Variants in CBX5 observed in about 807,000 individuals in gnomAD.
The protein encoded by CBX5 is chromobox protein homolog 5.
CBX5 carries 7 observed loss-of-function variants against 20.7 expected under a neutral mutation model. The observed-to-expected ratio is 0.34, with a 90% CI of 0.19 to 0.63. The LOEUF is 0.63. Ranked by LOEUF, CBX5 falls within the 30% of genes least tolerant of loss-of-function variation. The pLI is 0.75. For synonymous variants in CBX5, 78 were observed against 77.0 expected (o/e 1.01, Z -0.07); for missense variants, 110 against 224.1 (o/e 0.49, Z 3.25).
At chr12:54,252,328 G>C in intron 2 of CBX5, 101 bp from the exon 3 acceptor site, 1 of 725,936 alleles carries the variant, frequency 1.4e-6, no homozygotes. Flanking sequence ...GGACAAAAAG[G>C]ACAGAGAAAC....
At position 54,237,577 on chromosome 12, in the gene CBX5, C is replaced by T. The variant is rs1943636043; in HGVS notation, c.*4178G>A. 6.5e-6 allele frequency: 1 copy of T among 152,830 alleles called. No individual in the cohort carries two copies. The highest frequency in any genetic ancestry group is 1.5e-5 in the Non-Finnish European group (1 of 68,106). 9.5% of individuals were successfully genotyped at this position (152,830 alleles called of 1,614,324 possible). A position where few individuals can be genotyped will look rare whatever the true frequency, so the allele number is the denominator to read the frequency against. On this transcript the variant is annotated 3_prime_UTR_variant, in exon 5 of 5. Coordinates refer to ENST00000209875, the MANE Select transcript of CBX5 (RefSeq NM_012117.3). ...CCAAACTTAACAAAGCTAATGACTG[C>T]TTCTCAGTAATTCAGGAAAAATTTA...
intron 1 of CBX5, among the ~76,000 whole-genome samples, chr12:54,260,334 T>A (rs1943904186): frequency 6.6e-6 from 1 of 151,620 alleles, no homozygotes; most frequent in Non-Finnish European, 1.5e-5. Context: ...CTACTAAAAA[T>A]ACAAAAAAAT....
At chr12:54,249,706 C>T (rs184080227) in intron 3 of CBX5, among the ~76,000 whole-genome samples, 4 of 152,078 alleles carry the variant, frequency 2.6e-5, no homozygotes, top group East Asian at 1.9e-4. Flanking sequence ...TGTATTTATG[C>T]GCCCACACAC....
chr12:54,263,402 T>A (rs1943929000), intron 1 of CBX5, among the ~76,000 whole-genome samples: 1 of 150,666 alleles, frequency 6.6e-6, no homozygotes, highest in Non-Finnish European at 1.5e-5. Flanking sequence ...CCTCAGCAAT[T>A]ACAGAGAGGG....
chr12:54,234,732 TC>T lies in CBX5; in HGVS notation c.*7022del, dbSNP rs1294746252. The T allele has an allele frequency of 2.6e-5, 4 of 152,242 alleles. No homozygotes were observed. The highest frequency in any genetic ancestry group is 5.9e-5 in the Non-Finnish European group (4 of 68,040). The allele number at this position is 152,242 out of a possible 1,614,324, so 9.4% of individuals were successfully genotyped here. A position where few individuals can be genotyped will look rare whatever the true frequency, so the allele number is the denominator to read the frequency against. On this transcript the variant is annotated 3_prime_UTR_variant, in exon 5 of 5. Coordinates refer to ENST00000209875, the MANE Select transcript of CBX5 (RefSeq NM_012117.3). ...CCCACTGCCTTGTTTTAACTCCTTC[TC>T]TTACTGACCTCAGAAACAAATAGCA...
chr12:54,255,452 G>A (rs572360713), intron 2 of CBX5, among the ~76,000 whole-genome samples: 3 of 151,284 alleles, frequency 2.0e-5, no homozygotes, highest in East Asian at 1.9e-4. Context: ...CCAGCTACTC[G>A]GGAGGCTGAG....
At chr12:54,264,069 C>T (rs1016732108) in intron 1 of CBX5, among the ~76,000 whole-genome samples, 2 of 152,182 alleles carry the variant, frequency 1.3e-5, no homozygotes, top group African/African-American at 2.4e-5. Flanking sequence ...ATGGTTAGCC[C>T]TCAGCATTGA....
In CBX5 at chr12:54,231,301, C is replaced by T. The variant is rs1264054924; in HGVS notation, c.*10454G>A. ...ACAGTACAGAGTGCTGAAAGAAACCCAGCTCTTGAGTCTCTTAGATCCCAT... is the reference window on the plus strand; with the variant it reads ...ACAGTACAGAGTGCTGAAAGAAACCTAGCTCTTGAGTCTCTTAGATCCCAT... On this transcript the variant is annotated 3_prime_UTR_variant, in exon 5 of 5. Transcript: ENST00000209875. 6.5e-6 allele frequency: 1 copy of T among 154,452 alleles called. No homozygotes were observed. Among genetic ancestry groups the T allele is most frequent in the East Asian group, 1.9e-4 (1 of 5,196 alleles). 9.6% of individuals were successfully genotyped at this position (154,452 alleles called of 1,614,324 possible). A position where few individuals can be genotyped will look rare whatever the true frequency, so the allele number is the denominator to read the frequency against.
chr12:54,273,750 G>A (rs1359139462), intron 1 of CBX5: 1 of 152,188 alleles, frequency 6.6e-6, no homozygotes, highest in Non-Finnish European at 1.5e-5. Context: ...AGCCTCCAGA[G>A]GGGCCTCAAT....
In CBX5 at chr12:54,257,616, G is replaced by C; in HGVS notation, c.35C>G (p.Ser12Cys). ...GKKTKRTADS[S>C]SSEDEEEYVV... ...ATACTCCTCCTCATCCTCTGAAGAA[G>C]AACTGTCAGCTGTCCGCTTGGTTTT... is the stretch of plus-strand genomic sequence containing the variant. Residue 12 changes from serine (S) to cysteine (C), a missense_variant, in exon 2 of 5, where the codon TCT becomes TGT. Ser to Cys is a moderately radical substitution (Grantham distance 112). Around this residue, in one of 3 missense-constraint regions of CBX5, gnomAD observed 58 missense variants for 120.6 expected, o/e 0.48. Coordinates refer to ENST00000209875, the MANE Select transcript of CBX5 (RefSeq NM_012117.3). 6.2e-7 allele frequency: 1 copy of C among 1,614,230 alleles called. No individual in the cohort carries two copies. Among genetic ancestry groups the C allele is most frequent in the Non-Finnish European group, 8.5e-7 (1 of 1,180,040 alleles).
Position 54,238,143 on chromosome 12 carries a change from T to C in CBX5, c.*3612A>G, listed in dbSNP as rs1484463225. The C allele has an allele frequency of 2.0e-5, 3 of 152,222 alleles. No homozygotes were observed. The highest frequency in any genetic ancestry group is 4.4e-5 in the Non-Finnish European group (3 of 68,112). The allele number at this position is 152,222 out of a possible 1,614,324, so 9.4% of individuals were successfully genotyped here. A position where few individuals can be genotyped will look rare whatever the true frequency, so the allele number is the denominator to read the frequency against. On this transcript the variant is annotated 3_prime_UTR_variant, in exon 5 of 5. Coordinates refer to ENST00000209875, the MANE Select transcript of CBX5 (RefSeq NM_012117.3). ...AGGTGGAGGGTACAGTAAGCCAAGA[T>C]TGTGCCACTGCACTCCAGCCTGGTG...
chr12:54,262,812 T>A (rs1237905342), intron 1 of CBX5: 1 of 152,272 alleles, frequency 6.6e-6, no homozygotes, highest in Non-Finnish European at 1.5e-5. Context: ...CTTTCCAGCA[T>A]GAGAAATGAG....
At chr12:54,276,101 T>A (rs772560153) in intron 1 of CBX5, among the ~76,000 whole-genome samples, 58 of 152,140 alleles carry the variant, frequency 3.8e-4, no homozygotes, top group Admixed American at 5.9e-4. Flanking sequence ...CAGTTTTCAC[T>A]TGCACACGAC....
intron 3 of CBX5, among the ~76,000 whole-genome samples, chr12:54,250,476 T>C (rs1006221685): frequency 1.3e-5 from 2 of 151,912 alleles, no homozygotes; most frequent in African/African-American, 4.8e-5. Flanking sequence ...AAAAAGATTA[T>C]CAAGGATTGA....
chr12:54,261,842 T>C (rs376143518), intron 1 of CBX5, among the ~76,000 whole-genome samples: 2 of 152,170 alleles, frequency 1.3e-5, no homozygotes, highest in African/African-American at 4.8e-5. Flanking sequence ...CTACCTGCCC[T>C]ACGTACCTCC....
At position 54,234,246 on chromosome 12, in the gene CBX5, G is replaced by A. The variant is rs1943597516; in HGVS notation, c.*7509C>T. On this transcript the variant is annotated 3_prime_UTR_variant, in exon 5 of 5. Transcript: ENST00000209875. ...ACTCTAGGTACAGGAACCATTCCAA[G>A]ACCTAAATAGATTTTTTTTTTTTTC... is the stretch of plus-strand genomic sequence containing the variant. 3 of 112,988 alleles carry A rather than the reference G, an allele frequency of 2.7e-5. No homozygotes were observed. The highest frequency in any genetic ancestry group is 6.4e-5 in the African/African-American group (2 of 31,028). 7.0% of individuals were successfully genotyped at this position (112,988 alleles called of 1,614,324 possible).
intron 3 of CBX5, 149 bp downstream of exon 3, chr12:54,251,892 A>G (rs1433005885): frequency 1.6e-6 from 1 of 620,294 alleles, no homozygotes; most frequent in Non-Finnish European, 2.6e-6. Context: ...GCTGTAATCA[A>G]CATACCTCCC....
rs553191269 is a variant in CBX5 at position 54,249,375 on chromosome 12, GA to G, written c.324+2665del. Among the ~76,000 whole-genome samples, 754 of 132,288 alleles carry G rather than the reference GA, an allele frequency of 5.7e-3. 8 individuals are homozygous for G. Among genetic ancestry groups the G allele is most frequent in the African/African-American group, 0.016 (582 of 36,312 alleles). 86.8% of individuals were successfully genotyped at this position (132,288 alleles called of 152,430 possible). On this transcript the variant is annotated intron_variant, in intron 3 of 4. Coordinates refer to ENST00000209875, the MANE Select transcript of CBX5 (RefSeq NM_012117.3). ...GTGAGACTATGTCTCAAAAAAAAAA[GA>G]AAAAAAAAAAATTCTAATTTTACTG...
intron 1 of CBX5, chr12:54,257,997 T>C (rs181431296): frequency 3.1e-4 from 60 of 192,642 alleles, no homozygotes; most frequent in Admixed American, 1.4e-3. Flanking sequence ...TGTTTGTAAC[T>C]GTTTACAAGC....
Sources: gnomAD v4.1 joint callset for allele counts (sites outside exome capture counted in the v4.1 genomes callset) on GRCh38, gnomAD v4.1.1 for gene constraint, gnomAD v4.1.1 regional missense constraint, MANE v1.5 for transcripts, NCBI Gene and HGNC (gene_info 2026-07-23, HGNC 2026-07-21) for gene names.